Variants in WDR7 observed in about 807,000 individuals in gnomAD.
WDR7 encodes the protein WD repeat domain 7, also known as WD repeat-containing protein 7.
In WDR7, 46 loss-of-function variants were observed where a neutral mutation model predicts 169.4. The observed-to-expected ratio is 0.27, with a 90% CI of 0.21 to 0.35. The LOEUF (loss-of-function observed/expected upper bound fraction) is 0.35. Ranked by LOEUF, WDR7 falls within the 10% of genes least tolerant of loss-of-function variation. The pLI is 1.00. For synonymous variants in WDR7, 612 were observed against 666.8 expected (o/e 0.92, Z 1.27); for missense variants, 1,534 against 1,859.3 (o/e 0.83, Z 3.22).
chr18:56,837,525 T>C (rs2045413755), intron 20 of WDR7, among the ~76,000 whole-genome samples: 1 of 152,204 alleles, frequency 6.6e-6, no homozygotes, highest in South Asian at 2.1e-4. Context: ...AAATCATTAT[T>C]AGTGAATTTA....
At chr18:56,803,695 A>G (rs1388182538) in intron 19 of WDR7, among the ~76,000 whole-genome samples, 3 of 152,244 alleles carry the variant, frequency 2.0e-5, no homozygotes, top group African/African-American at 7.2e-5. Flanking sequence ...TAACAAAAGC[A>G]ATGGTAATAA....
intron 26 of WDR7, among the ~76,000 whole-genome samples, chr18:56,971,659 G>A (rs1471110915): frequency 1.3e-5 from 2 of 152,126 alleles, no homozygotes; most frequent in Non-Finnish European, 2.9e-5. Flanking sequence ...TGAAGGAGAG[G>A]ATATCTGAAC....
chr18:56,699,427 A>G (rs1021559599), intron 12 of WDR7, among the ~76,000 whole-genome samples: 5 of 152,228 alleles, frequency 3.3e-5, no homozygotes, highest in Non-Finnish European at 7.3e-5. Flanking sequence ...TGATTGGGCA[A>G]TAGTAGTTGA....
intron 12 of WDR7, among the ~76,000 whole-genome samples, chr18:56,700,993 A>T (rs1450247388): frequency 2.0e-5 from 3 of 152,256 alleles, no homozygotes; most frequent in African/African-American, 4.8e-5. Flanking sequence ...TAAGAAAATT[A>T]AAAAATCTGA....
At chr18:56,673,187 G>T (rs374107754) in intron 2 of WDR7, among the ~76,000 whole-genome samples, 1 of 118,686 alleles carries the variant, frequency 8.4e-6, no homozygotes, top group East Asian at 2.4e-4. Context: ...ACACACACAC[G>T]TTCACACTGA....
At chr18:56,983,643 CAAAG>C (rs2047676450) in intron 26 of WDR7, among the ~76,000 whole-genome samples, 1 of 151,786 alleles carries the variant, frequency 6.6e-6, no homozygotes, top group African/African-American at 2.4e-5. Flanking sequence ...TAACCATCAA[CAAAG>C]AAATTATTTT....
At chr18:56,781,301 T>G (rs543735520) in intron 18 of WDR7, among the ~76,000 whole-genome samples, 1 of 152,338 alleles carries the variant, frequency 6.6e-6, no homozygotes, top group South Asian at 2.1e-4. Context: ...CCTAATTCTT[T>G]CCATTAGTGT....
intron 20 of WDR7, among the ~76,000 whole-genome samples, chr18:56,817,659 A>G (rs1403331870): frequency 1.3e-5 from 2 of 152,126 alleles, no homozygotes; most frequent in African/African-American, 4.8e-5. Flanking sequence ...CGATTTCAGG[A>G]ACTTCTAATT....
chr18:56,675,968 C>T (rs929794137), intron 2 of WDR7, among the ~76,000 whole-genome samples: 3 of 152,052 alleles, frequency 2.0e-5, no homozygotes, highest in African/African-American at 7.2e-5. Flanking sequence ...TACAGGTGCA[C>T]ACTACTACAC....
chr18:56,966,222 G>A (rs939253156), intron 26 of WDR7, among the ~76,000 whole-genome samples: 6 of 152,118 alleles, frequency 3.9e-5, no homozygotes, highest in African/African-American at 1.4e-4. Flanking sequence ...CCTTGAACAA[G>A]GGTTTGGACT....
At chr18:56,688,614 A>C (rs1017351819) in intron 7 of WDR7, among the ~76,000 whole-genome samples, 1 of 151,372 alleles carries the variant, frequency 6.6e-6, no homozygotes, top group Non-Finnish European at 1.5e-5. Context: ...CTGTAATCCC[A>C]GCTACTTGGG....
intron 27 of WDR7, among the ~76,000 whole-genome samples, chr18:57,023,806 C>T (rs1383870281): frequency 6.6e-6 from 1 of 152,142 alleles, no homozygotes; most frequent in Non-Finnish European, 1.5e-5. Context: ...CCACCACTGT[C>T]CAGCAAATAT....
chr18:56,999,593 G>C (rs916938437), intron 26 of WDR7, among the ~76,000 whole-genome samples: 1 of 152,010 alleles, frequency 6.6e-6, no homozygotes, highest in Non-Finnish European at 1.5e-5. Context: ...CTAGAAAAAA[G>C]GGTGGTGGGC....
intron 23 of WDR7, among the ~76,000 whole-genome samples, chr18:56,936,740 A>G (rs2046965976): frequency 6.6e-6 from 1 of 152,198 alleles, no homozygotes; most frequent in Admixed American, 6.5e-5. Context: ...AGGGGAGGAA[A>G]GAAAGTCCTA....
intron 14 of WDR7, among the ~76,000 whole-genome samples, chr18:56,732,440 T>C (rs2026607042): frequency 6.6e-6 from 1 of 152,176 alleles, no homozygotes; most frequent in Admixed American, 6.5e-5. Flanking sequence ...TTGATTTTCA[T>C]TTTTTTAAAT....
chr18:57,006,406 A>G (rs2048058777), intron 26 of WDR7, among the ~76,000 whole-genome samples: 1 of 152,016 alleles, frequency 6.6e-6, no homozygotes, highest in South Asian at 2.1e-4. Context: ...TTTCACCTGT[A>G]TTACCACAAC....
chr18:56,771,882 CAAA>C, intron 16 of WDR7, among the ~76,000 whole-genome samples: 1 of 150,320 alleles, frequency 6.7e-6, no homozygotes, highest in Admixed American at 6.6e-5. Context: ...AACTCCATCT[CAAA>C]GAAGAAGAAA....
At chr18:56,822,119 A>G (rs2045109529) in intron 20 of WDR7, among the ~76,000 whole-genome samples, 1 of 152,210 alleles carries the variant, frequency 6.6e-6, no homozygotes, top group Non-Finnish European at 1.5e-5. Context: ...CAAATTTGTT[A>G]TTCTAAATTT....
At chr18:56,909,733 T>G (rs910916507) in intron 21 of WDR7, among the ~76,000 whole-genome samples, 19 of 152,174 alleles carry the variant, frequency 1.2e-4, no homozygotes, top group Admixed American at 7.2e-4. Flanking sequence ...CTTTCACCTT[T>G]TATTAAAAAT....
Sources: gnomAD v4.1 joint callset for allele counts (sites outside exome capture counted in the v4.1 genomes callset) on GRCh38, gnomAD v4.1.1 for gene constraint, MANE v1.5 for transcripts, NCBI Gene and HGNC (gene_info 2026-07-23, HGNC 2026-07-21) for gene names.